Variants in BCL2L1 observed in about 807,000 individuals in gnomAD.
BCL2L1 encodes bcl-2-like protein 1.
BCL2L1 carries 1 observed loss-of-function variant against 18.7 expected under a neutral mutation model. The ratio of observed to expected loss-of-function variants is 0.05; its 90% CI spans 0.02 to 0.25. The LOEUF (loss-of-function observed/expected upper bound fraction) is 0.25. Among genes scored for constraint, BCL2L1 ranks in the 10% least tolerant of loss-of-function variants. The pLI, the probability that BCL2L1 is intolerant of heterozygous loss-of-function variation, is 1.00. For missense variants in BCL2L1, 207 were observed against 304.9 expected (o/e 0.68, Z 2.39); for synonymous variants, 103 against 122.7 (o/e 0.84, Z 1.06).
chr20:31,706,582 T>G (rs1254467402), intron 2 of BCL2L1, among the ~76,000 whole-genome samples: 1 of 152,238 alleles, frequency 6.6e-6, no homozygotes, highest in South Asian at 2.1e-4. Flanking sequence ...CCTCGTTTAG[T>G]CTTTCTCCCA....
chr20:31,713,619 C>T (rs1170508524), intron 2 of BCL2L1: 1 of 981,442 alleles, frequency 1.0e-6, no homozygotes, highest in Non-Finnish European at 1.2e-6. Context: ...AGGGATGAAA[C>T]CAAATAGCAG....
Position 31,677,438 on chromosome 20 carries a change from C to A in BCL2L1, c.565-11352G>T, listed in dbSNP as rs547187556. 1.2e-4 allele frequency among the ~76,000 whole-genome samples: 18 copies of A among 152,240 alleles called. No homozygotes were observed. The South Asian group carries it at 3.7e-3, about 32-fold the overall frequency. The stretch of plus-strand genomic sequence containing the variant: ...ACCTCAAATGATCCACCCACCTCGG[C>A]CCCCCAAAGTGCTGAGATTACAGGC... On this transcript the variant is annotated intron_variant, in intron 2 of 2. Coordinates refer to ENST00000307677, the MANE Select transcript of BCL2L1 (RefSeq NM_138578.3).
At chr20:31,686,564 T>TA (rs1447599349) in intron 2 of BCL2L1, among the ~76,000 whole-genome samples, 5 of 152,174 alleles carry the variant, frequency 3.3e-5, no homozygotes, top group African/African-American at 1.2e-4. Flanking sequence ...TGTAATATCT[T>TA]AGAGATGTTA....
intron 2 of BCL2L1, among the ~76,000 whole-genome samples, chr20:31,719,243 A>C (rs2061585890): frequency 6.6e-6 from 1 of 152,220 alleles, no homozygotes. Context: ...CACAGTGCCT[A>C]GTACTTAACA....
intron 2 of BCL2L1, among the ~76,000 whole-genome samples, chr20:31,692,369 G>A (rs2061089030): frequency 2.0e-5 from 3 of 152,222 alleles, no homozygotes; most frequent in South Asian, 4.1e-4. Flanking sequence ...TCATATAAAT[G>A]GATACGAAAA....
intron 2 of BCL2L1, among the ~76,000 whole-genome samples, chr20:31,707,780 A>G (rs2061392389): frequency 7.0e-6 from 1 of 143,362 alleles, no homozygotes; most frequent in Admixed American, 6.8e-5. Flanking sequence ...CTCTGTCTCA[A>G]AAAAAAAAAA....
At chr20:31,694,788 C>G (rs778879358) in intron 2 of BCL2L1, among the ~76,000 whole-genome samples, 1 of 152,088 alleles carries the variant, frequency 6.6e-6, no homozygotes, top group South Asian at 2.1e-4. Flanking sequence ...TGCTCAAAGT[C>G]AAACAGTAAG....
chr20:31,667,584 C>T (rs73903628), intron 2 of BCL2L1, among the ~76,000 whole-genome samples: 3,391 of 150,916 alleles, frequency 0.022, 135 homozygotes, highest in African/African-American at 0.078. Flanking sequence ...CCTACATTTC[C>T]AACCAGTCCC....
chr20:31,666,277 T>A (rs2060586508), intron 2 of BCL2L1, among the ~76,000 whole-genome samples, 191 bp from the exon 3 acceptor site: 1 of 152,080 alleles, frequency 6.6e-6, no homozygotes, highest in Non-Finnish European at 1.5e-5. Flanking sequence ...AATCAAACCA[T>A]GTTACTGCTG....
intron 2 of BCL2L1, among the ~76,000 whole-genome samples, chr20:31,679,555 G>A (rs1268227988): frequency 6.6e-6 from 1 of 152,198 alleles, no homozygotes; most frequent in African/African-American, 2.4e-5. Flanking sequence ...TGTTCCGGCT[G>A]CAAAATGAAA....
intron 2 of BCL2L1, among the ~76,000 whole-genome samples, chr20:31,713,049 C>A (rs1224603726): frequency 1.3e-5 from 2 of 152,036 alleles, no homozygotes; most frequent in African/African-American, 4.8e-5. Context: ...AGAATCCCAT[C>A]CTATGCAGGG....
At chr20:31,670,912 G>A (rs1023837566) in intron 2 of BCL2L1, among the ~76,000 whole-genome samples, 1 of 152,190 alleles carries the variant, frequency 6.6e-6, no homozygotes, top group Non-Finnish European at 1.5e-5. Flanking sequence ...GCCCTGGTCT[G>A]GAAAAGCAGA....
At position 31,671,760 on chromosome 20, in the gene BCL2L1, C is replaced by A. The variant is rs112654437; in HGVS notation, c.565-5674G>T. 4.8e-3 allele frequency among the ~76,000 whole-genome samples: 727 copies of A among 151,808 alleles called. 5 individuals are homozygous for A. The highest frequency in any genetic ancestry group is 0.017 in the African/African-American group (690 of 41,372). ...TGATTTGTGGCTCTCCACAGGGCCA[C>A]AGCACATAAGGAGATATAGAGTATA... On this transcript the variant is annotated intron_variant, in intron 2 of 2. Coordinates refer to ENST00000307677, the MANE Select transcript of BCL2L1 (RefSeq NM_138578.3).
At chr20:31,701,322 G>T (rs1372361780) in intron 2 of BCL2L1, among the ~76,000 whole-genome samples, 2 of 152,172 alleles carry the variant, frequency 1.3e-5, no homozygotes, top group Non-Finnish European at 2.9e-5. Context: ...AAAGTGCTGG[G>T]ATTACAGGCG....
chr20:31,709,906 G>C (rs1464671764), intron 2 of BCL2L1, among the ~76,000 whole-genome samples: 1 of 145,798 alleles, frequency 6.9e-6, no homozygotes, highest in Non-Finnish European at 1.5e-5. Context: ...GGCCAGCCTC[G>C]AACTCCTGAT....
chr20:31,720,151 A>G (rs1376969513), intron 2 of BCL2L1: 2 of 985,232 alleles, frequency 2.0e-6, no homozygotes, highest in South Asian at 4.7e-5. Flanking sequence ...TCTGACCTCT[A>G]TTGACTTGAC....
intron 2 of BCL2L1, among the ~76,000 whole-genome samples, chr20:31,718,186 G>A (rs2061568728): frequency 6.6e-6 from 1 of 152,156 alleles, no homozygotes; most frequent in South Asian, 2.1e-4. Flanking sequence ...AGCCGAACAG[G>A]TTCAGCATTT....
chr20:31,702,683 T>C (rs1231711545), intron 2 of BCL2L1, among the ~76,000 whole-genome samples: 1 of 151,324 alleles, frequency 6.6e-6, no homozygotes, highest in Non-Finnish European at 1.5e-5. Flanking sequence ...CTGGCTAATT[T>C]TGTATTTTTA....
chr20:31,710,153 A>T (rs1242660977), intron 2 of BCL2L1, among the ~76,000 whole-genome samples: 1 of 152,212 alleles, frequency 6.6e-6, no homozygotes, highest in Non-Finnish European at 1.5e-5. Context: ...CTATGTACCA[A>T]GCACTCTGCT....
Sources: allele counts gnomAD v4.1 joint callset (sites outside exome capture counted in the v4.1 genomes callset), GRCh38; gene constraint gnomAD v4.1.1; transcripts MANE v1.5; gene names NCBI Gene and HGNC (gene_info 2026-07-23, HGNC 2026-07-21).